CYP2C8: variants seen among roughly 807,000 people sequenced by gnomAD.
CYP2C8 encodes cytochrome P450 2C8.
CYP2C8 carries 51 observed loss-of-function variants against 41.3 expected under a neutral mutation model. That is an observed-to-expected ratio of 1.24 (90% CI 0.99 to 1.56). The LOEUF (loss-of-function observed/expected upper bound fraction) is 1.56. CYP2C8 is among the 40% of genes most tolerant of loss of function. The pLI, the probability that CYP2C8 is intolerant of heterozygous loss-of-function variation, is 0.00. For synonymous variants in CYP2C8, 218 were observed against 205.8 expected, an observed-to-expected ratio of 1.06 and a Z score of -0.51; for missense variants, 651 against 579.9, an observed-to-expected ratio of 1.12 and a Z score of -1.26.
chr10:95,069,204 A>C, intron 1 of CYP2C8, 31 bp downstream of exon 1: 1 of 1,613,286 alleles, frequency 6.2e-7, no homozygotes, highest in Non-Finnish European at 8.5e-7. Flanking sequence ...TACCCTTTGC[A>C]ATTGGCTGGA....
intron 6 of CYP2C8, 97 bp downstream of exon 6, chr10:95,045,713 G>C: frequency 6.9e-7 from 1 of 1,454,748 alleles, no homozygotes; most frequent in East Asian, 2.3e-5. Context: ...GAAATTTAAA[G>C]AATGAGCCTT....
intron 5 of CYP2C8, among the ~76,000 whole-genome samples, chr10:95,050,028 C>T (rs1214616646): frequency 6.6e-6 from 1 of 151,846 alleles, no homozygotes; most frequent in African/African-American, 2.4e-5. Context: ...AATATAAAGT[C>T]GACTTTGTCT....
intron 4 of CYP2C8, among the ~76,000 whole-genome samples, chr10:95,061,799 A>C (rs535953342): frequency 2.9e-4 from 44 of 152,302 alleles, no homozygotes; most frequent in Middle Eastern, 3.4e-3. Flanking sequence ...TTCCCTCTAC[A>C]CACTGCATTA....
chr10:95,064,405 C>T (rs199860903), intron 4 of CYP2C8, among the ~76,000 whole-genome samples: 2 of 152,266 alleles, frequency 1.3e-5, no homozygotes, highest in East Asian at 1.9e-4. Flanking sequence ...AGTGAGGCTT[C>T]GTGGGCATGG....
At chr10:95,068,704 A>G in intron 1 of CYP2C8, 1 of 895,218 alleles carries the variant, frequency 1.1e-6, no homozygotes, top group Non-Finnish European at 1.6e-6. Flanking sequence ...CAATGACCCC[A>G]ATGTTTCTGT....
intron 3 of CYP2C8, among the ~76,000 whole-genome samples, chr10:95,066,141 AGAGAGAGAGAGAGTGTGT>A (rs1201936922): frequency 4.5e-5 from 5 of 111,212 alleles, no homozygotes; most frequent in Admixed American, 8.5e-5. Flanking sequence ...AGAGAGAGAG[AGAGAGAGAGAGAGTGTGT>A]GTGTGTGTGT....
intron 5 of CYP2C8, among the ~76,000 whole-genome samples, 154 bp downstream of exon 5, chr10:95,058,181 T>C (rs776997332): frequency 3.3e-5 from 5 of 152,206 alleles, no homozygotes; most frequent in Non-Finnish European, 5.9e-5. Flanking sequence ...TTCCATGATG[T>C]TTAGTGCAGG....
intron 7 of CYP2C8, chr10:95,040,783 G>T (rs1457298900): frequency 5.3e-6 from 2 of 374,058 alleles, no homozygotes; most frequent in East Asian, 1.5e-4. Context: ...CTGAAATTCT[G>T]CATTTTTTCA....
At chr10:95,042,452 A>G (rs570927162) in intron 7 of CYP2C8, among the ~76,000 whole-genome samples, 97 of 152,308 alleles carry the variant, frequency 6.4e-4, no homozygotes, top group African/African-American at 2.2e-3. Context: ...ATTATCTAGG[A>G]AAAACCTAAT....
rs910512752 is a variant in CYP2C8 at position 95,036,897 on chromosome 10, A to C, written c.*231T>G. On this transcript the variant is annotated 3_prime_UTR_variant, in exon 9 of 9. Transcript: ENST00000371270. ...CATATTAAAAAGTCAGCATTAGAAAAGTATTAGCATATGCAGCAATTAATA... is the reference window on the plus strand; with the variant it reads ...CATATTAAAAAGTCAGCATTAGAAACGTATTAGCATATGCAGCAATTAATA... The C allele has an allele frequency of 1.8e-6, 1 of 548,548 alleles. No homozygotes were observed. Among genetic ancestry groups the C allele is most frequent in the Non-Finnish European group, 3.3e-6 (1 of 305,206 alleles). The allele number at this position is 548,548 out of a possible 1,614,324, so 34.0% of individuals were successfully genotyped here.
chr10:95,037,522 T>C (rs2032910584), intron 8 of CYP2C8, among the ~76,000 whole-genome samples: 1 of 152,244 alleles, frequency 6.6e-6, no homozygotes, highest in Non-Finnish European at 1.5e-5. Context: ...ATATATTTGC[T>C]ATCTGTCTAA....
chr10:95,041,069 T>C, intron 7 of CYP2C8: 1 of 436,294 alleles, frequency 2.3e-6, no homozygotes, highest in Non-Finnish European at 4.6e-6. Context: ...TGTATACTTA[T>C]GTATATTTAG....
intron 5 of CYP2C8, among the ~76,000 whole-genome samples, chr10:95,054,367 C>A (rs2033271293): frequency 6.6e-6 from 1 of 151,908 alleles, no homozygotes; most frequent in Non-Finnish European, 1.5e-5. Context: ...AATACTTTTC[C>A]TGATAAAATC....
chr10:95,069,062 CAAA>C (rs34026025), intron 1 of CYP2C8, 170 bp downstream of exon 1: 355 of 647,814 alleles, frequency 5.5e-4, no homozygotes, highest in South Asian at 7.9e-4. Context: ...GACTCCGTCT[CAAA>C]AAAAAAAAAA....
intron 5 of CYP2C8, among the ~76,000 whole-genome samples, chr10:95,049,504 G>C (rs764753202): frequency 2.9e-4 from 44 of 152,246 alleles, no homozygotes; most frequent in Non-Finnish European, 5.4e-4. Flanking sequence ...AAGGCAGAAA[G>C]GAAAACAGGC....
intron 5 of CYP2C8, among the ~76,000 whole-genome samples, chr10:95,057,900 C>A (rs994532125): frequency 1.3e-5 from 2 of 152,280 alleles, no homozygotes; most frequent in African/African-American, 4.8e-5. Context: ...TGAAACCTTT[C>A]TTCTGTTCCA....
rs747473457 is a variant in CYP2C8 at position 95,058,525 on chromosome 10, G to T, written c.643-14C>A. The T allele has an allele frequency of 1.3e-6, 2 of 1,595,576 alleles. No homozygotes were observed. The highest frequency in any genetic ancestry group is 2.3e-5 in the East Asian group (1 of 43,900). On this transcript the variant is annotated splice_polypyrimidine_tract_variant and intron_variant, in intron 4 of 8. Coordinates refer to ENST00000371270, the MANE Select transcript of CYP2C8 (RefSeq NM_000770.3). ...ATTATTGCAGACCTAAAAGAGAAAA[G>T]AATATTAAATATAAACATGTCATAA... is the stretch of plus-strand genomic sequence containing the variant.
chr10:95,066,862 G>T (rs1201623089), intron 3 of CYP2C8, among the ~76,000 whole-genome samples: 1 of 152,162 alleles, frequency 6.6e-6, no homozygotes, highest in Non-Finnish European at 1.5e-5. Flanking sequence ...TCTGGTGGAG[G>T]TAATGCAGAT....
At chr10:95,051,183 G>A (rs1444528226) in intron 5 of CYP2C8, among the ~76,000 whole-genome samples, 3 of 152,132 alleles carry the variant, frequency 2.0e-5, no homozygotes, top group East Asian at 1.9e-4. Context: ...AGATTGTGGA[G>A]CTGAAACATG....
Sources: gnomAD v4.1 joint callset for allele counts (sites outside exome capture counted in the v4.1 genomes callset) on GRCh38, gnomAD v4.1.1 for gene constraint, MANE v1.5 for transcripts, NCBI Gene and HGNC (gene_info 2026-07-23, HGNC 2026-07-21) for gene names.